Variants in TRIO observed in about 807,000 individuals in gnomAD.
TRIO encodes the protein trio Rho guanine nucleotide exchange factor.
Under a neutral mutation model 351.9 loss-of-function variants are expected in TRIO, and 58 were observed. That is an observed-to-expected ratio of 0.16 (90% confidence interval 0.13 to 0.21). The LOEUF is 0.21. Among genes scored for constraint, TRIO ranks in the 10% least tolerant of loss-of-function variants. The probability of loss-of-function intolerance (pLI) is 1.00; values close to 1 mark genes in which losing one functional copy is unlikely to be tolerated. For missense variants in TRIO, 3,201 were observed against 4,027.8 expected (o/e 0.79, Z 5.56); for synonymous variants, 1,758 against 1,595.7 (o/e 1.10, Z -2.42).
intron 35 of TRIO, among the ~76,000 whole-genome samples, chr5:14,461,780 C>CT (rs1753830043): frequency 6.6e-6 from 1 of 152,226 alleles, no homozygotes; most frequent in Non-Finnish European, 1.5e-5. Context: ...AGTGTTTGCA[C>CT]TTTCCAATTG....
chr5:14,368,812 G>A lies in TRIO; in HGVS notation c.2979G>A (p.Ala993=), dbSNP rs570447608. ...DMIRDCAEKV[A]SHWQQLMLKM... is the part of the protein sequence containing the mutation. Reference sequence around the variant, plus strand: ...TCCGGGACTGCGCCGAGAAGGTGGCGTCTCACTGGCAACAGCTCATGCTCA... The same window carrying A: ...TCCGGGACTGCGCCGAGAAGGTGGCATCTCACTGGCAACAGCTCATGCTCA... Residue 993 remains alanine, a synonymous_variant, in exon 17 of 57, where the codon GCG becomes GCA. Coordinates refer to ENST00000344204, the MANE Select transcript of TRIO (RefSeq NM_007118.4). 34 of 1,614,082 alleles carry A rather than the reference G, an allele frequency of 2.1e-5. No homozygotes were observed. The highest frequency in any genetic ancestry group is 5.3e-5 in the African/African-American group (4 of 75,032).
chr5:14,507,319 G>A, intron 56 of TRIO, 59 bp downstream of exon 56: 4 of 1,593,362 alleles, frequency 2.5e-6, no homozygotes, highest in Non-Finnish European at 3.4e-6. Flanking sequence ...GGCCATGCGG[G>A]ACACAGAGCC....
intron 1 of TRIO, among the ~76,000 whole-genome samples, chr5:14,169,647 T>A (rs749269743): frequency 3.9e-5 from 6 of 152,240 alleles, no homozygotes; most frequent in African/African-American, 7.2e-5. Context: ...TCACCCTTAC[T>A]TTGTGCAGTG....
At chr5:14,261,198 CT>C (rs1303346727) in intron 1 of TRIO, among the ~76,000 whole-genome samples, 3 of 152,166 alleles carry the variant, frequency 2.0e-5, no homozygotes, top group Non-Finnish European at 2.9e-5. Flanking sequence ...CCTTTTTCTT[CT>C]GGAAATGTAT....
intron 1 of TRIO, among the ~76,000 whole-genome samples, chr5:14,203,382 A>G (rs1791254661): frequency 6.6e-6 from 1 of 152,220 alleles, no homozygotes; most frequent in South Asian, 2.1e-4. Flanking sequence ...ATTTCCCCGC[A>G]AGGACTACAA....
At chr5:14,315,998 G>A (rs377204468) in intron 8 of TRIO, among the ~76,000 whole-genome samples, 3 of 152,350 alleles carry the variant, frequency 2.0e-5, no homozygotes, top group East Asian at 1.9e-4. Flanking sequence ...GAAAGTTTAA[G>A]TACATATTCT....
chr5:14,507,101 C>T, intron 55 of TRIO, 21 bp from the exon 56 acceptor site: 2 of 1,561,514 alleles, frequency 1.3e-6, no homozygotes, highest in African/African-American at 1.4e-5. Flanking sequence ...TCATAACAGT[C>T]ACCCGCTCCT....
At chr5:14,439,875 T>C (rs1218207757) in intron 34 of TRIO, among the ~76,000 whole-genome samples, 1 of 152,236 alleles carries the variant, frequency 6.6e-6, no homozygotes, top group African/African-American at 2.4e-5. Flanking sequence ...GAGACAGTTT[T>C]CTCTGGGTGC....
chr5:14,366,213 GA>G (rs1403724251), intron 15 of TRIO, among the ~76,000 whole-genome samples: 3 of 151,980 alleles, frequency 2.0e-5, no homozygotes, highest in African/African-American at 4.8e-5. Flanking sequence ...AAGTAAACGA[GA>G]GGGCAATAGG....
At chr5:14,361,189 G>A (rs1265594836) in intron 13 of TRIO, among the ~76,000 whole-genome samples, 1 of 151,496 alleles carries the variant, frequency 6.6e-6, no homozygotes, top group Non-Finnish European at 1.5e-5. Flanking sequence ...AAAAAAAATC[G>A]ATTCGTTTAT....
intron 1 of TRIO, among the ~76,000 whole-genome samples, chr5:14,160,988 C>T (rs1026143158): frequency 2.0e-5 from 3 of 152,060 alleles, no homozygotes; most frequent in African/African-American, 7.2e-5. Flanking sequence ...TTGACTCACT[C>T]TATCTTCTGC....
chr5:14,468,411 A>C (rs1316517426), intron 37 of TRIO, among the ~76,000 whole-genome samples: 1 of 152,230 alleles, frequency 6.6e-6, no homozygotes, highest in South Asian at 2.1e-4. Context: ...GGAGCTCTCA[A>C]CCAGGTTTCA....
chr5:14,214,782 C>T (rs998413061), intron 1 of TRIO, among the ~76,000 whole-genome samples: 2 of 152,116 alleles, frequency 1.3e-5, no homozygotes, highest in African/African-American at 2.4e-5. Flanking sequence ...AGTCAGTGTA[C>T]GTGTGTAGAC....
intron 53 of TRIO, among the ~76,000 whole-genome samples, chr5:14,501,195 A>G (rs1757277989): frequency 6.6e-6 from 1 of 152,162 alleles, no homozygotes; most frequent in African/African-American, 2.4e-5. Context: ...TGCCTAGTGA[A>G]ATAATTTTAT....
intron 31 of TRIO, among the ~76,000 whole-genome samples, chr5:14,405,343 G>A (rs1225451824): frequency 1.3e-5 from 2 of 152,214 alleles, no homozygotes; most frequent in Admixed American, 1.3e-4. Flanking sequence ...TATGGGAGTG[G>A]ATGACAGCAT....
At chr5:14,207,523 TACACACACACACAC>T (rs113435385) in intron 1 of TRIO, among the ~76,000 whole-genome samples, 6 of 53,144 alleles carry the variant, frequency 1.1e-4, no homozygotes, top group African/African-American at 3.1e-4. Flanking sequence ...ACTGTCTCTC[TACACACACACACAC>T]ACACACACAC....
chr5:14,483,514 C>T (rs1013620231), intron 46 of TRIO, among the ~76,000 whole-genome samples: 9 of 152,198 alleles, frequency 5.9e-5, no homozygotes, highest in South Asian at 2.1e-4. Context: ...TGCACACCTG[C>T]GGGCCTCACA....
chr5:14,455,610 C>T (rs989078190), intron 34 of TRIO, among the ~76,000 whole-genome samples: 1 of 152,132 alleles, frequency 6.6e-6, no homozygotes. Flanking sequence ...ATTTACAAAC[C>T]TTGAGCTAGA....
chr5:14,182,862 A>ACCCCCCCCCC (rs33945464), intron 1 of TRIO, among the ~76,000 whole-genome samples: 2 of 61,648 alleles, frequency 3.2e-5, no homozygotes, highest in African/African-American at 9.4e-5. Flanking sequence ...TACAGTGGAG[A>ACCCCCCCCCC]CCCCCCCCCC....
Sources: allele counts gnomAD v4.1 joint callset (sites outside exome capture counted in the v4.1 genomes callset), GRCh38; gene constraint gnomAD v4.1.1; transcripts MANE v1.5; gene names NCBI Gene and HGNC (gene_info 2026-07-23, HGNC 2026-07-21).